Variants in STEAP1 observed in about 807,000 individuals in gnomAD.
STEAP1 encodes STEAP1 protein.
STEAP1 carries 30 observed loss-of-function variants against 34.4 expected under a neutral mutation model. The ratio of observed to expected loss-of-function variants is 0.87; its 90% confidence interval spans 0.65 to 1.18. The LOEUF is 1.18. STEAP1 is among the 50% of genes most tolerant of loss of function. The pLI is 0.00. For synonymous variants in STEAP1, 116 were observed against 135.3 expected, an observed-to-expected ratio of 0.86 and a Z score of 0.99; for missense variants, 318 against 391.1, an observed-to-expected ratio of 0.81 and a Z score of 1.58.
chr7:90,162,572 G>A (rs539586007), intron 4 of STEAP1, among the ~76,000 whole-genome samples: 33 of 151,960 alleles, frequency 2.2e-4, no homozygotes, highest in African/African-American at 6.8e-4. Flanking sequence ...CAAATGATCC[G>A]CCCACCTCGG....
At chr7:90,155,102 T>C (rs1018278242) in intron 1 of STEAP1, among the ~76,000 whole-genome samples, 2 of 152,064 alleles carry the variant, frequency 1.3e-5, no homozygotes, top group Admixed American at 6.5e-5. Context: ...CACTGGAAGG[T>C]GTTTGTAGAC....
chr7:90,158,244 A>G (rs39282), intron 1 of STEAP1, among the ~76,000 whole-genome samples: 146,039 of 152,232 alleles, frequency 0.96, 70,076 homozygotes, highest in East Asian at 1. Flanking sequence ...CTTTATAAAC[A>G]CTGTACACTA....
chr7:90,161,637 C>CA (rs1221716339), intron 3 of STEAP1, among the ~76,000 whole-genome samples: 1 of 151,728 alleles, frequency 6.6e-6, no homozygotes, highest in Non-Finnish European at 1.5e-5. Flanking sequence ...CCTTGTTTAC[C>CA]AATATGCATG....
chr7:90,163,149 G>A (rs752307414), intron 4 of STEAP1: 26 of 261,692 alleles, frequency 9.9e-5, no homozygotes, highest in Admixed American at 5.9e-4. Context: ...ATGTCCACAC[G>A]TATACTCCAA....
rs1162343477 is a variant in STEAP1, at chr7:90,160,968, C to T, written c.248C>T (p.Ser83Phe). 4.3e-6 allele frequency: 7 copies of T among 1,613,914 alleles called. No homozygotes were observed. The highest frequency in any genetic ancestry group is 5.9e-6 in the Non-Finnish European group (7 of 1,179,878). Residue 83 changes from serine to phenylalanine, a missense_variant, in exon 3 of 5, where the codon TCT (serine) becomes TTT (phenylalanine). Transcript: ENST00000297205. ...LPIKIAAIIA[S>F]LTFLYTLLRE... ...ATTAAAATAGCTGCTATTATAGCAT[C>T]TCTGACTTTTCTTTACACTCTTCTG...
chr7:90,163,883 A>G (rs913837408), intron 4 of STEAP1, among the ~76,000 whole-genome samples: 1 of 152,176 alleles, frequency 6.6e-6, no homozygotes, highest in Non-Finnish European at 1.5e-5. Flanking sequence ...ATGTTATCAG[A>G]ATATTTGATT....
In STEAP1 at chr7:90,161,967, G is replaced by A. The variant is rs774408428; in HGVS notation, c.651G>A (p.Glu217=). ...TTGAGCATGATGTTTGGAGAATGGA[G>A]ATTTATGTGTCTCTGGGAATTGTGG... The part of the protein sequence containing the change: ...AWIEHDVWRM[E]IYVSLGIVGL... The change falls in exon 4 of 5, where the codon GAG becomes GAA. Residue 217 remains glutamate (E), a synonymous_variant. Coordinates refer to ENST00000297205, the MANE Select transcript of STEAP1 (RefSeq NM_012449.3). The A allele has an allele frequency of 6.2e-7, 1 of 1,613,848 alleles. No homozygotes were observed. Among genetic ancestry groups the A allele is most frequent in the Non-Finnish European group, 8.5e-7 (1 of 1,179,810 alleles).
rs560222912 is a variant in STEAP1 at position 90,162,016 on chromosome 7, G to T, written c.700G>T (p.Ala234Ser). 48 of 1,613,816 alleles carry T rather than the reference G, an allele frequency of 3.0e-5. No homozygotes were observed. Among genetic ancestry groups the T allele is most frequent in the Non-Finnish European group, 3.6e-5 (43 of 1,179,820 alleles). The part of the protein sequence containing the change: ...IVGLAILALL[A>S]VTSIPSVSDS... ...GGGATTGGCAATACTGGCTCTGTTG[G>T]CTGTGACATCTATTCCATCTGTGAG... The change falls in exon 4 of 5, where the codon GCT becomes TCT. Residue 234 changes from alanine (A) to serine (S), a missense_variant. Coordinates refer to ENST00000297205, the MANE Select transcript of STEAP1 (RefSeq NM_012449.3).
chr7:90,159,874 T>G lies in STEAP1; in HGVS notation c.84+2T>G, dbSNP rs1173894234. The stretch of plus-strand genomic sequence containing the variant: ...AATTTAGAAGAAGACGATTATTTGG[T>G]AAAATATTAATAATAACAATAATAA... On this transcript the variant is annotated splice_donor_variant, in intron 2 of 4. Coordinates refer to ENST00000297205, the MANE Select transcript of STEAP1 (RefSeq NM_012449.3). LOFTEE classifies it high-confidence loss of function. 6 of 1,488,092 alleles carry G rather than the reference T, an allele frequency of 4.0e-6. No individual in the cohort carries two copies. In the Admixed American group the frequency reaches 8.7e-5, roughly 22 times the overall value. 92.2% of individuals were successfully genotyped at this position (1,488,092 alleles called of 1,614,324 possible).
rs565591003 is a variant in STEAP1, at chr7:90,160,931, T to C, written c.211T>C (p.Trp71Arg). ...GCACACACAGGAACTCTTTCCACAG[T>C]GGCACTTGCCAATTAAAATAGCTGC... ...LQHTQELFPQ[W>R]HLPIKIAAII... is the part of the protein sequence containing the mutation. Residue 71 changes from tryptophan to arginine, a missense_variant, in exon 3 of 5, where the codon TGG becomes CGG. Coordinates refer to ENST00000297205, the MANE Select transcript of STEAP1 (RefSeq NM_012449.3). The C allele has an allele frequency of 1.7e-5, 28 of 1,614,038 alleles. No individual in the cohort carries two copies. In the African/African-American group the frequency reaches 3.6e-4, roughly 21 times the overall value.
chr7:90,163,937 A>G (rs1470702807), intron 4 of STEAP1, among the ~76,000 whole-genome samples: 1 of 152,208 alleles, frequency 6.6e-6, no homozygotes, highest in Non-Finnish European at 1.5e-5. Context: ...TTATTCATTT[A>G]TCAAAATCAG....
rs532811070 is a variant in STEAP1, at chr7:90,161,022, C to T, written c.302C>T (p.Ser101Phe). 9.3e-6 allele frequency: 15 copies of T among 1,613,892 alleles called. No homozygotes were observed. In the South Asian group the frequency reaches 1.5e-4, roughly 17 times the overall value. Residue 101 changes from serine to phenylalanine, a missense_variant, in exon 3 of 5, where the codon TCC becomes TTC. Transcript: ENST00000297205. ...LREVIHPLAT[S>F]HQQYFYKIPI... ...GAAGTAATTCACCCTTTAGCAACTT[C>T]CCATCAACAATATTTTTATAAAATT...
At chr7:90,161,383 C>G (rs1794184637) in intron 3 of STEAP1, 66 bp downstream of exon 3, 1 of 1,505,122 alleles carries the variant, frequency 6.6e-7, no homozygotes, top group Non-Finnish European at 8.9e-7. Context: ...TTAATCATTT[C>G]TCATTGTAAT....
At position 90,162,028 on chromosome 7, in the gene STEAP1, A is replaced by C. The variant is rs1246873210; in HGVS notation, c.712A>C (p.Ile238Leu). ...AILALLAVTSIPSVSDSLTWR... is the reference protein window; with the variant it reads ...AILALLAVTSLPSVSDSLTWR... ...ACTGGCTCTGTTGGCTGTGACATCT[A>C]TTCCATCTGTGAGTGACTCTTTGAC... The change falls in exon 4 of 5, where the codon ATT becomes CTT. Residue 238 changes from isoleucine to leucine, a missense_variant. Transcript: ENST00000297205. 1 of 1,613,744 alleles carries C rather than the reference A, an allele frequency of 6.2e-7. No homozygotes were observed. The highest frequency in any genetic ancestry group is 8.5e-7 in the Non-Finnish European group (1 of 1,179,840).
At chr7:90,162,299 GTTTTTTTTT>G in intron 4 of STEAP1, 1 of 525,254 alleles carries the variant, frequency 1.9e-6, no homozygotes, top group Non-Finnish European at 2.7e-6. Flanking sequence ...AATATTCTTT[GTTTTTTTTT>G]TTTGTTTGTT....
Position 90,161,839 on chromosome 7 carries a change from G to T in STEAP1, c.598-75G>T, listed in dbSNP as rs1218654613. On this transcript the variant is annotated intron_variant, in intron 3 of 4. Transcript: ENST00000297205. The stretch of plus-strand genomic sequence containing the variant: ...AGGGCTTCATAGTAGGCACAGGGAA[G>T]AGTGTAGAAGGAGATTCACATTCAG... The T allele has an allele frequency of 2.6e-6, 4 of 1,526,142 alleles. No homozygotes were observed. The African/African-American group carries it at 5.6e-5, about 21-fold the overall frequency. The allele number at this position is 1,526,142 out of a possible 1,614,324, so 94.5% of individuals were successfully genotyped here.
chr7:90,160,648 A>G (rs556278323), intron 2 of STEAP1, among the ~76,000 whole-genome samples, 157 bp from the exon 3 acceptor site: 66 of 150,966 alleles, frequency 4.4e-4, no homozygotes, highest in African/African-American at 1.5e-3. Flanking sequence ...TCAGTGCCAC[A>G]TAGACTATGC....
intron 2 of STEAP1, 55 bp downstream of exon 2, chr7:90,159,927 T>A: frequency 8.1e-7 from 1 of 1,228,796 alleles, no homozygotes; most frequent in Non-Finnish European, 1.1e-6. Flanking sequence ...TAAACATAAT[T>A]CAGATGCCAT....
intron 3 of STEAP1, 56 bp from the exon 4 acceptor site, chr7:90,161,858 C>T (rs1794190917): frequency 6.4e-7 from 1 of 1,558,538 alleles, no homozygotes; most frequent in East Asian, 2.2e-5. Context: ...AGGAGATTCA[C>T]ATTCAGGAAA....
Sources: allele counts gnomAD v4.1 joint callset (sites outside exome capture counted in the v4.1 genomes callset), GRCh38; gene constraint gnomAD v4.1.1; transcripts MANE v1.5; gene names NCBI Gene and HGNC (gene_info 2026-07-23, HGNC 2026-07-21).